The following GALNTL6 variants were observed in gnomAD, a reference collection of about 807,000 sequenced individuals.
GALNTL6 encodes polypeptide N-acetylgalactosaminyltransferase-like 6.
Under a neutral mutation model 73.7 loss-of-function variants are expected in GALNTL6, and 46 were observed. The ratio of observed to expected loss-of-function variants is 0.62; its 90% CI spans 0.49 to 0.80. The LOEUF (loss-of-function observed/expected upper bound fraction) is 0.80. GALNTL6 is among the 30% of genes least tolerant of loss of function. The pLI, the probability that GALNTL6 is intolerant of heterozygous loss-of-function variation, is 0.00. For missense variants in GALNTL6, 604 were observed against 755.0 expected, an observed-to-expected ratio of 0.80 and a Z score of 2.34; for synonymous variants, 259 against 263.7, an observed-to-expected ratio of 0.98 and a Z score of 0.17.
chr4:172,770,608 A>T (rs10025150), intron 5 of GALNTL6, among the ~76,000 whole-genome samples: 2 of 151,974 alleles, frequency 1.3e-5, no homozygotes, highest in African/African-American at 4.8e-5. Flanking sequence ...TCATTTTTCC[A>T]ATTGCAAATG....
chr4:173,018,631 C>A (rs549191700), intron 11 of GALNTL6, among the ~76,000 whole-genome samples: 2 of 152,318 alleles, frequency 1.3e-5, no homozygotes, highest in African/African-American at 4.8e-5. Context: ...GACACTTGAA[C>A]TGAATCTTAC....
chr4:172,546,321 A>G (rs1735748484), intron 5 of GALNTL6, among the ~76,000 whole-genome samples: 1 of 152,172 alleles, frequency 6.6e-6, no homozygotes, highest in African/African-American at 2.4e-5. Flanking sequence ...CAGCTATGCT[A>G]GTTGAAGGGA....
intron 5 of GALNTL6, among the ~76,000 whole-genome samples, chr4:172,656,336 A>G (rs1731010983): frequency 6.6e-6 from 1 of 152,198 alleles, no homozygotes. Context: ...GCATGCTCAG[A>G]TTATGTGACC....
chr4:172,449,256 C>T (rs183025641), intron 5 of GALNTL6, among the ~76,000 whole-genome samples: 3 of 152,234 alleles, frequency 2.0e-5, no homozygotes, highest in East Asian at 3.9e-4. Context: ...CAGGTCATTC[C>T]GTCCATGTAC....
chr4:173,026,077 T>C (rs534159409), intron 12 of GALNTL6, among the ~76,000 whole-genome samples: 46 of 152,324 alleles, frequency 3.0e-4, no homozygotes, highest in African/African-American at 1.1e-3. Flanking sequence ...CCTTTTCATT[T>C]TAAGTAAACA....
chr4:172,203,790 A>G (rs1456736061), intron 2 of GALNTL6, among the ~76,000 whole-genome samples: 3 of 152,072 alleles, frequency 2.0e-5, no homozygotes, highest in Admixed American at 2.0e-4. Context: ...CTTGTTGCCC[A>G]GGCTGGAGTG....
chr4:171,824,833 C>A (rs896225669), intron 2 of GALNTL6, among the ~76,000 whole-genome samples: 1 of 151,970 alleles, frequency 6.6e-6, no homozygotes, highest in African/African-American at 2.4e-5. Flanking sequence ...CTTCTTCTTT[C>A]ACTTTTTAAA....
chr4:172,426,346 G>T (rs1003919743), intron 5 of GALNTL6, among the ~76,000 whole-genome samples: 3 of 148,164 alleles, frequency 2.0e-5, no homozygotes, highest in Non-Finnish European at 3.0e-5. Context: ...CCATAGCAGA[G>T]TTTTTTTAAT....
intron 5 of GALNTL6, among the ~76,000 whole-genome samples, chr4:172,385,610 A>G (rs1202348730): frequency 6.6e-6 from 1 of 151,930 alleles, no homozygotes; most frequent in East Asian, 1.9e-4. Context: ...TACTGTTTGT[A>G]TAGTATATCT....
chr4:171,931,343 G>A (rs1033615780), intron 2 of GALNTL6, among the ~76,000 whole-genome samples: 8 of 152,036 alleles, frequency 5.3e-5, no homozygotes, highest in African/African-American at 1.7e-4. Flanking sequence ...CACCACAACC[G>A]GCCCAGCTTT....
intron 5 of GALNTL6, among the ~76,000 whole-genome samples, chr4:172,610,786 G>A (rs1738497442): frequency 6.6e-6 from 1 of 152,012 alleles, no homozygotes; most frequent in Non-Finnish European, 1.5e-5. Flanking sequence ...TCAATGAGGT[G>A]GTGAAGTCTC....
chr4:172,618,671 G>A (rs958342645), intron 5 of GALNTL6, among the ~76,000 whole-genome samples: 3 of 152,094 alleles, frequency 2.0e-5, no homozygotes, highest in African/African-American at 4.8e-5. Context: ...TGTACCTAGA[G>A]ATGATGTGTT....
chr4:172,482,767 C>G (rs926617135), intron 5 of GALNTL6, among the ~76,000 whole-genome samples: 4 of 152,148 alleles, frequency 2.6e-5, no homozygotes, highest in Admixed American at 2.6e-4. Flanking sequence ...TTCATCTTTT[C>G]CACTGAAATT....
chr4:171,991,712 ATGTGTGTG>A (rs376844621), intron 2 of GALNTL6, among the ~76,000 whole-genome samples: 1 of 137,296 alleles, frequency 7.3e-6, no homozygotes, highest in African/African-American at 2.6e-5. Flanking sequence ...GTTTGATTAT[ATGTGTGTG>A]TGTGTGTGTG....
chr4:171,834,050 A>AT (rs1313247051), intron 2 of GALNTL6, among the ~76,000 whole-genome samples: 2 of 151,884 alleles, frequency 1.3e-5, no homozygotes, highest in Non-Finnish European at 2.9e-5. Context: ...TCACTTACTT[A>AT]TTAAAAAAAC....
intron 2 of GALNTL6, among the ~76,000 whole-genome samples, chr4:172,192,712 C>T (rs1735624474): frequency 6.6e-6 from 1 of 152,166 alleles, no homozygotes; most frequent in African/African-American, 2.4e-5. Flanking sequence ...GCCACCAGGG[C>T]CTTGGGTTCC....
chr4:172,658,149 CAA>C (rs58279803), intron 5 of GALNTL6, among the ~76,000 whole-genome samples: 118 of 5,018 alleles, frequency 0.024, 1 homozygote, highest in South Asian at 0.057. Flanking sequence ...GACTCCGTCT[CAA>C]AAAAAAAAAA....
Position 171,944,040 on chromosome 4 carries a change from A to C in GALNTL6, c.138+129322A>C, listed in dbSNP as rs374526572. On this transcript the variant is annotated intron_variant, in intron 2 of 12. Coordinates refer to ENST00000506823, the MANE Select transcript of GALNTL6 (RefSeq NM_001034845.3). ...TAATAAGACTTGCCTTAGTAAAATG[A>C]AAATACTTTCTGGAGTCTGTGTGTA... is the stretch of plus-strand genomic sequence containing the variant. Among the ~76,000 whole-genome samples, 5 of 152,192 alleles carry C rather than the reference A, an allele frequency of 3.3e-5. No homozygotes were observed. In the East Asian group the frequency reaches 9.6e-4, roughly 29 times the overall value.
chr4:172,809,192 A>G lies in GALNTL6; in HGVS notation c.554-169A>G, dbSNP rs953410794. Among the ~76,000 whole-genome samples, 22 of 152,328 alleles carry G rather than the reference A, an allele frequency of 1.4e-4. No individual in the cohort carries two copies. The highest frequency in any genetic ancestry group is 4.1e-4 in the African/African-American group (17 of 41,570). Reference sequence around the variant, plus strand: ...ATTTGCAGTTTACAAAGCATTCTGGAAAGTGTAAAATCTAAAAATCTTACT... The same window carrying G: ...ATTTGCAGTTTACAAAGCATTCTGGGAAGTGTAAAATCTAAAAATCTTACT... On this transcript the variant is annotated intron_variant, in intron 5 of 12. Transcript: ENST00000506823. The surrounding 1 kb of genome is among the most constrained non-coding windows in gnomAD (Gnocchi z 4.4).
Sources: gnomAD v4.1 joint callset for allele counts (sites outside exome capture counted in the v4.1 genomes callset) on GRCh38, gnomAD v4.1.1 for gene constraint, Gnocchi (gnomAD v3.1) non-coding constraint, MANE v1.5 for transcripts, NCBI Gene and HGNC (gene_info 2026-07-23, HGNC 2026-07-21) for gene names.